CALN1: variants seen among roughly 807,000 people sequenced by gnomAD.
CALN1 encodes the protein calneuron 1, also known as calcium-binding protein 8.
A neutral mutation model predicts 30.6 loss-of-function variants in CALN1; 17 were observed. The observed-to-expected ratio is 0.56, with a 90% CI of 0.38 to 0.83. CALN1 has a LOEUF of 0.83. Ranked by LOEUF, CALN1 falls within the 40% of genes least tolerant of loss-of-function variation. CALN1 has a pLI of 0.00. For synonymous variants in CALN1, 156 were observed against 131.4 expected, an observed-to-expected ratio of 1.19 and a Z score of -1.28; for missense variants, 291 against 354.9, an observed-to-expected ratio of 0.82 and a Z score of 1.45.
At chr7:72,444,954 AAATGTC>A (rs1350655810) in intron 1 of CALN1, among the ~76,000 whole-genome samples, 1 of 152,026 alleles carries the variant, frequency 6.6e-6, no homozygotes, top group Non-Finnish European at 1.5e-5. Flanking sequence ...GCCATTAAAG[AAATGTC>A]AACGGAACAC....
At chr7:72,272,126 G>A (rs1054809867) in intron 3 of CALN1, among the ~76,000 whole-genome samples, 1 of 151,788 alleles carries the variant, frequency 6.6e-6, no homozygotes, top group Non-Finnish European at 1.5e-5. Context: ...TGAGCTGCAG[G>A]AGAGCAGTGA....
chr7:72,211,677 C>T (rs1200345561), intron 3 of CALN1, among the ~76,000 whole-genome samples: 1 of 152,188 alleles, frequency 6.6e-6, no homozygotes, highest in East Asian at 1.9e-4. Context: ...AATATCATTG[C>T]ATGTGCTTGT....
At chr7:71,938,207 T>C (rs946041764) in intron 5 of CALN1, among the ~76,000 whole-genome samples, 3 of 152,158 alleles carry the variant, frequency 2.0e-5, no homozygotes, top group East Asian at 1.9e-4. Flanking sequence ...TAGGGACACA[T>C]AGCTGTGCCT....
chr7:72,489,093 G>A, the CALN1 span, among the ~76,000 whole-genome samples: 3 of 151,958 alleles, frequency 2.0e-5, no homozygotes, highest in African/African-American at 4.8e-5. Flanking sequence ...GAGTCCATCC[G>A]CCAACCCTCC....
intron 2 of CALN1, among the ~76,000 whole-genome samples, chr7:72,288,208 T>C (rs1249200281): frequency 6.6e-6 from 1 of 152,088 alleles, no homozygotes; most frequent in Non-Finnish European, 1.5e-5. Context: ...CACATAGCTT[T>C]GTTCACGTGA....
intron 3 of CALN1, among the ~76,000 whole-genome samples, chr7:72,188,482 A>G (rs908563138): frequency 4.6e-5 from 7 of 152,038 alleles, no homozygotes; most frequent in Non-Finnish European, 7.4e-5. Context: ...GTTCTCACTC[A>G]TAAGTGGGAG....
intron 3 of CALN1, among the ~76,000 whole-genome samples, chr7:72,229,362 G>A (rs1164266122): frequency 1.3e-5 from 2 of 152,064 alleles, no homozygotes; most frequent in African/African-American, 4.8e-5. Context: ...GCTCATGCCT[G>A]TAATCCCAGC....
chr7:72,106,143 G>C lies in CALN1; in HGVS notation c.388+8C>G. 2.5e-6 allele frequency: 4 copies of C among 1,612,934 alleles called. No homozygotes were observed. The highest frequency in any genetic ancestry group is 3.4e-6 in the Non-Finnish European group (4 of 1,179,496). ...TCTCAGGGGAGAAGCTGCTTGTCCG[G>C]GTCTTACCGTCCATGTCCAAGCGCT... On this transcript the variant is annotated splice_region_variant and intron_variant, in intron 4 of 6. Transcript: ENST00000395275.
At chr7:72,485,879 A>C in the CALN1 span, among the ~76,000 whole-genome samples, 1 of 152,232 alleles carries the variant, frequency 6.6e-6, no homozygotes, top group Non-Finnish European at 1.5e-5. Context: ...ATCTCAAAAA[A>C]AAAAAGTTAA....
intron 3 of CALN1, among the ~76,000 whole-genome samples, chr7:72,250,294 C>A (rs1487055897): frequency 6.6e-6 from 1 of 152,206 alleles, no homozygotes; most frequent in Non-Finnish European, 1.5e-5. Context: ...GGTCTGCCAC[C>A]TGGCTTTGCC....
the CALN1 span, among the ~76,000 whole-genome samples, chr7:72,479,171 C>G: frequency 6.6e-6 from 1 of 152,130 alleles, no homozygotes; most frequent in Non-Finnish European, 1.5e-5. Context: ...TGAGCCACTG[C>G]GCCGGGACCA....
chr7:72,397,712 T>TCACACACACACACA (rs1248212217), intron 2 of CALN1, among the ~76,000 whole-genome samples: 972 of 70,196 alleles, frequency 0.014, 2 homozygotes, highest in Non-Finnish European at 0.02. Flanking sequence ...ACCCATTCTC[T>TCACACACACACACA]CTCACACACA....
the CALN1 span, among the ~76,000 whole-genome samples, chr7:72,474,673 G>A: frequency 3.4e-5 from 5 of 148,768 alleles, no homozygotes; most frequent in Non-Finnish European, 5.9e-5. Context: ...CGACAAGAGC[G>A]AGATCTTGTC....
intron 3 of CALN1, among the ~76,000 whole-genome samples, chr7:72,209,496 CCTTG>C (rs1302719466): frequency 6.7e-6 from 1 of 148,358 alleles, no homozygotes; most frequent in African/African-American, 2.5e-5. Flanking sequence ...TTCCCTGCTT[CCTTG>C]CTTTTTTCCC....
chr7:72,034,080 G>A (rs577287266), intron 4 of CALN1, among the ~76,000 whole-genome samples: 6 of 152,268 alleles, frequency 3.9e-5, no homozygotes, highest in South Asian at 4.1e-4. Context: ...CAGGCCAGGT[G>A]CGGTGGCTCA....
chr7:72,343,178 T>G (rs1054731700), intron 2 of CALN1, among the ~76,000 whole-genome samples: 10 of 152,130 alleles, frequency 6.6e-5, no homozygotes, highest in Non-Finnish European at 1.3e-4. Context: ...GGAGGAAACA[T>G]GAAGGGGCAC....
intron 3 of CALN1, among the ~76,000 whole-genome samples, chr7:72,221,488 T>G (rs1014870524): frequency 3.9e-5 from 6 of 152,022 alleles, no homozygotes; most frequent in Non-Finnish European, 8.8e-5. Context: ...TGGCTAATTT[T>G]TTTGTGTTAG....
chr7:72,371,646 G>A (rs941047599), intron 2 of CALN1, among the ~76,000 whole-genome samples: 2 of 152,132 alleles, frequency 1.3e-5, no homozygotes, highest in Non-Finnish European at 2.9e-5. Flanking sequence ...CTTTATAGCA[G>A]CATAAGAATG....
At chr7:71,896,578 G>A (rs901265029) in intron 5 of CALN1, among the ~76,000 whole-genome samples, 1 of 152,150 alleles carries the variant, frequency 6.6e-6, no homozygotes, top group Non-Finnish European at 1.5e-5. Flanking sequence ...CTGTGATGCT[G>A]GATTCACAGA....
Sources: gnomAD v4.1 joint callset for allele counts (sites outside exome capture counted in the v4.1 genomes callset) on GRCh38, gnomAD v4.1.1 for gene constraint, MANE v1.5 for transcripts, NCBI Gene and HGNC (gene_info 2026-07-23, HGNC 2026-07-21) for gene names.